The following AGBL4 variants were observed in gnomAD, a reference collection of about 807,000 sequenced individuals.
AGBL4 encodes cytosolic carboxypeptidase 6.
A neutral mutation model predicts 66.4 loss-of-function variants in AGBL4; 58 were observed. The observed-to-expected ratio is 0.87, with a 90% CI of 0.71 to 1.09. AGBL4 has a LOEUF of 1.09. Among genes scored for constraint, AGBL4 ranks in the 50% least tolerant of loss-of-function variants. AGBL4 has a pLI of 0.00. For missense variants in AGBL4, 579 were observed against 631.0 expected (o/e 0.92, Z 0.88); for synonymous variants, 234 against 222.9 (o/e 1.05, Z -0.44).
chr1:49,908,010 A>T (rs936864618), intron 1 of AGBL4, among the ~76,000 whole-genome samples: 3 of 152,136 alleles, frequency 2.0e-5, no homozygotes, highest in Non-Finnish European at 1.5e-5. Context: ...GAATTAGAAA[A>T]ATTAAGTAAC....
At chr1:49,993,964 C>T (rs979875467) in intron 1 of AGBL4, among the ~76,000 whole-genome samples, 1 of 152,232 alleles carries the variant, frequency 6.6e-6, no homozygotes, top group Non-Finnish European at 1.5e-5. Context: ...TTAAGCTCCA[C>T]TATCACCATA....
At chr1:48,711,348 C>G (rs886104503) in intron 6 of AGBL4, among the ~76,000 whole-genome samples, 1 of 152,282 alleles carries the variant, frequency 6.6e-6, no homozygotes, top group African/African-American at 2.4e-5. Flanking sequence ...TTAATGGCCT[C>G]TTATGCTTTT....
At chr1:49,391,307 G>C (rs1176636728) in intron 3 of AGBL4, among the ~76,000 whole-genome samples, 2 of 152,128 alleles carry the variant, frequency 1.3e-5, no homozygotes, top group Admixed American at 6.5e-5. Flanking sequence ...GTCTTACATG[G>C]TTAAAGGTCT....
intron 4 of AGBL4, among the ~76,000 whole-genome samples, chr1:49,098,892 G>A (rs1489516668): frequency 6.6e-6 from 1 of 152,108 alleles, no homozygotes. Context: ...CAATCCAATG[G>A]TTTTCTGTTG....
At chr1:48,703,395 A>G (rs1314504017) in intron 6 of AGBL4, among the ~76,000 whole-genome samples, 1 of 152,224 alleles carries the variant, frequency 6.6e-6, no homozygotes, top group Non-Finnish European at 1.5e-5. Context: ...GCAATTCTCA[A>G]CGAATGCAGA....
intron 1 of AGBL4, among the ~76,000 whole-genome samples, chr1:49,942,987 C>T (rs1475853583): frequency 6.6e-6 from 1 of 152,080 alleles, no homozygotes; most frequent in African/African-American, 2.4e-5. Context: ...TAACCATTTT[C>T]AAAATGAGCC....
At chr1:49,022,602 G>T (rs771095381) in intron 5 of AGBL4, among the ~76,000 whole-genome samples, 2 of 152,072 alleles carry the variant, frequency 1.3e-5, no homozygotes, top group Non-Finnish European at 2.9e-5. Flanking sequence ...TAGCAGTAAT[G>T]AGTTGGAGCT....
chr1:48,708,500 A>G (rs771148180), intron 6 of AGBL4, among the ~76,000 whole-genome samples: 5 of 152,150 alleles, frequency 3.3e-5, no homozygotes, highest in Non-Finnish European at 5.9e-5. Context: ...GGACAGTGGG[A>G]TGACAGGGAG....
At chr1:49,307,909 C>A (rs1189070585) in intron 3 of AGBL4, among the ~76,000 whole-genome samples, 3 of 152,112 alleles carry the variant, frequency 2.0e-5, no homozygotes, top group African/African-American at 2.4e-5. Context: ...TTTGTGTCCC[C>A]ACCAAATCAC....
intron 3 of AGBL4, among the ~76,000 whole-genome samples, chr1:49,528,746 T>TA (rs1461629879): frequency 6.6e-6 from 1 of 151,972 alleles, no homozygotes; most frequent in Non-Finnish European, 1.5e-5. Context: ...GAAAAATTTT[T>TA]AAAAAAATTA....
chr1:48,586,975 G>GCC, intron 11 of AGBL4, 29 bp downstream of exon 11: 1 of 1,608,376 alleles, frequency 6.2e-7, no homozygotes, highest in South Asian at 1.1e-5. Flanking sequence ...ATGAGGGCTG[G>GCC]CCCAAGGCTG....
chr1:49,802,715 C>T (rs1339497262), intron 2 of AGBL4, among the ~76,000 whole-genome samples: 1 of 152,112 alleles, frequency 6.6e-6, no homozygotes, highest in Admixed American at 6.6e-5. Flanking sequence ...ATTGTTGGCA[C>T]CACGGGACCA....
chr1:49,274,868 C>T (rs1644136928), intron 3 of AGBL4, among the ~76,000 whole-genome samples: 2 of 152,086 alleles, frequency 1.3e-5, no homozygotes, highest in African/African-American at 4.8e-5. Context: ...TAATTTAAAA[C>T]ATTGCTGATT....
chr1:48,956,014 CT>C (rs1657419785), intron 5 of AGBL4, among the ~76,000 whole-genome samples: 1 of 152,332 alleles, frequency 6.6e-6, no homozygotes, highest in Non-Finnish European at 1.5e-5. Flanking sequence ...TGGATCTGGC[CT>C]TTCCTTGTTT....
At chr1:49,187,165 TA>T (rs2148198545) in intron 4 of AGBL4, 1 of 152,284 alleles carries the variant, frequency 6.6e-6, no homozygotes, top group South Asian at 2.1e-4. Flanking sequence ...GGGGCTTTAT[TA>T]GAATATTCTT....
At chr1:49,544,068 C>T (rs1379767350) in intron 3 of AGBL4, among the ~76,000 whole-genome samples, 1 of 152,178 alleles carries the variant, frequency 6.6e-6, no homozygotes, top group Non-Finnish European at 1.5e-5. Flanking sequence ...GCCTTTTCTC[C>T]ATCTCTACAT....
intron 1 of AGBL4, among the ~76,000 whole-genome samples, chr1:49,881,851 G>T (rs909018388): frequency 6.6e-6 from 1 of 151,706 alleles, no homozygotes; most frequent in Admixed American, 6.6e-5. Flanking sequence ...TGTTCACTCT[G>T]ATGGTAGTTT....
intron 3 of AGBL4, among the ~76,000 whole-genome samples, chr1:49,371,817 CTG>C (rs55882947): frequency 0.064 from 8,932 of 139,842 alleles, 324 homozygotes; most frequent in East Asian, 0.16. Flanking sequence ...TTTTCAAACT[CTG>C]TGTGTGTGTG....
At chr1:48,887,681 T>A (rs1260184461) in intron 5 of AGBL4, among the ~76,000 whole-genome samples, 5 of 152,146 alleles carry the variant, frequency 3.3e-5, no homozygotes, top group Admixed American at 2.6e-4. Flanking sequence ...CTTACTGATG[T>A]CCTACTTTGC....
Sources: allele counts gnomAD v4.1 joint callset (sites outside exome capture counted in the v4.1 genomes callset), GRCh38; gene constraint gnomAD v4.1.1; transcripts MANE v1.5; gene names NCBI Gene and HGNC (gene_info 2026-07-23, HGNC 2026-07-21).